The following ZDHHC2 variants were observed in gnomAD, a reference collection of about 807,000 sequenced individuals.
The protein encoded by ZDHHC2 is zDHHC palmitoyltransferase 2.
A neutral mutation model predicts 55.6 loss-of-function variants in ZDHHC2; 51 were observed. That is an observed-to-expected ratio of 0.92 (90% CI 0.73 to 1.16). ZDHHC2 has a LOEUF of 1.16. Among genes scored for constraint, ZDHHC2 ranks in the 50% most tolerant of loss-of-function variants. ZDHHC2 has a pLI of 0.00. For missense variants in ZDHHC2, 491 were observed against 442.4 expected (o/e 1.11, Z -0.99); for synonymous variants, 199 against 152.9 (o/e 1.30, Z -2.22).
chr8:17,188,517 C>T (rs1222563232), intron 3 of ZDHHC2, among the ~76,000 whole-genome samples: 1 of 152,138 alleles, frequency 6.6e-6, no homozygotes, highest in Non-Finnish European at 1.5e-5. Flanking sequence ...TATTTATTTT[C>T]CATTCATACT....
At chr8:17,165,321 A>G (rs374709659) in intron 1 of ZDHHC2, among the ~76,000 whole-genome samples, 13 of 152,350 alleles carry the variant, frequency 8.5e-5, no homozygotes, top group East Asian at 3.9e-4. Context: ...ATGACTAGTG[A>G]TTAGCCAGGG....
intron 6 of ZDHHC2, among the ~76,000 whole-genome samples, chr8:17,198,711 C>T (rs772554291): frequency 6.6e-6 from 1 of 152,142 alleles, no homozygotes; most frequent in Non-Finnish European, 1.5e-5. Context: ...GAATACTTCA[C>T]AGAAATACAC....
At chr8:17,156,938 CGCCCCCCGGAT>C in intron 1 of ZDHHC2, 85 bp downstream of exon 1, 1 of 1,298,150 alleles carries the variant, frequency 7.7e-7, no homozygotes, top group African/African-American at 1.6e-5. Context: ...CCTCCGCTCT[CGCCCCCCGGAT>C]GCGCCCCGGG....
chr8:17,196,864 T>C lies in ZDHHC2; in HGVS notation c.374-718T>C, dbSNP rs563294670. On this transcript the variant is annotated intron_variant, in intron 4 of 12. Transcript: ENST00000262096. ...AGGCAGAGGCTACAGTGAGCTGAGATGACACCAGTGCACTCCAGCCTAGGT... is the reference window on the plus strand; with the variant it reads ...AGGCAGAGGCTACAGTGAGCTGAGACGACACCAGTGCACTCCAGCCTAGGT... Among the ~76,000 whole-genome samples the C allele has an allele frequency of 1.4e-4, 21 of 151,680 alleles. 1 individual carries two copies. In the South Asian group the frequency reaches 4.2e-3, roughly 30 times the overall value.
chr8:17,178,299 T>A (rs1304369158), intron 1 of ZDHHC2, among the ~76,000 whole-genome samples: 9 of 152,188 alleles, frequency 5.9e-5, no homozygotes, highest in Non-Finnish European at 1.3e-4. Context: ...ACCGTTGAGA[T>A]GATCTCCTGC....
intron 9 of ZDHHC2, 98 bp downstream of exon 9, chr8:17,210,156 C>A: frequency 7.4e-7 from 1 of 1,352,734 alleles, no homozygotes; most frequent in Non-Finnish European, 9.9e-7. Context: ...GCTTGTAATT[C>A]TGTGTAGGAA....
At chr8:17,184,748 A>C in intron 1 of ZDHHC2, 41 bp from the exon 2 acceptor site, 5 of 1,532,044 alleles carry the variant, frequency 3.3e-6, no homozygotes, top group Non-Finnish European at 4.4e-6. Flanking sequence ...CCCGTTTGCC[A>C]TAAGCTTCAT....
At position 17,199,509 on chromosome 8, in the gene ZDHHC2, T is replaced by TTCTTCG. The variant is rs1554466017; in HGVS notation, c.476+1114_476+1119dup. ...CTTCTTCTTCTTCTTCTTCTTCTTC[T>TTCTTCG]TCTTCGTCTTCGTCTTCGTCTTCTG... On this transcript the variant is annotated intron_variant, in intron 6 of 12. Transcript: ENST00000262096. 6.2e-4 allele frequency among the ~76,000 whole-genome samples: 75 copies of TTCTTCG among 121,078 alleles called. 1 individual carries two copies. The highest frequency in any genetic ancestry group is 1.1e-3 in the South Asian group (4 of 3,540). The allele number at this position is 121,078 out of a possible 152,430, so 79.4% of individuals were successfully genotyped here.
At chr8:17,178,756 A>C (rs576701937) in intron 1 of ZDHHC2, among the ~76,000 whole-genome samples, 1 of 152,302 alleles carries the variant, frequency 6.6e-6, no homozygotes, top group Non-Finnish European at 1.5e-5. Flanking sequence ...GCAGTTTGTC[A>C]TCCTTTTCTA....
At position 17,176,338 on chromosome 8, in the gene ZDHHC2, T is replaced by C. The variant is rs190443611; in HGVS notation, c.131-8451T>C. ...CAAGTTTTGCACCATCGAAGACTTA[T>C]TGCTAACCTTTGCTTCTATTTTGAA... On this transcript the variant is annotated intron_variant, in intron 1 of 12. Coordinates refer to ENST00000262096, the MANE Select transcript of ZDHHC2 (RefSeq NM_016353.5). Among the ~76,000 whole-genome samples, 79 of 152,282 alleles carry C rather than the reference T, an allele frequency of 5.2e-4. 1 individual carries two copies. Among genetic ancestry groups the C allele is most frequent in the African/African-American group, 1.5e-3 (62 of 41,564 alleles).
At chr8:17,211,260 A>T (rs1394479126) in intron 10 of ZDHHC2, among the ~76,000 whole-genome samples, 1 of 152,204 alleles carries the variant, frequency 6.6e-6, no homozygotes, top group Non-Finnish European at 1.5e-5. Flanking sequence ...TTTCAATGAA[A>T]GCCAGTAGCA....
At chr8:17,167,912 C>G (rs979550901) in intron 1 of ZDHHC2, among the ~76,000 whole-genome samples, 2 of 152,012 alleles carry the variant, frequency 1.3e-5, no homozygotes, top group Non-Finnish European at 2.9e-5. Flanking sequence ...TAACTGTAGT[C>G]CGTTTTAGTA....
intron 3 of ZDHHC2, among the ~76,000 whole-genome samples, chr8:17,187,231 A>G (rs1805758092): frequency 6.6e-6 from 1 of 152,230 alleles, no homozygotes; most frequent in Non-Finnish European, 1.5e-5. Context: ...TGATGGATCA[A>G]ATTTGCATGT....
At chr8:17,176,966 A>G (rs1202128710) in intron 1 of ZDHHC2, among the ~76,000 whole-genome samples, 1 of 152,228 alleles carries the variant, frequency 6.6e-6, no homozygotes, top group Non-Finnish European at 1.5e-5. Context: ...TGTTAACGTG[A>G]ATAACATATT....
intron 8 of ZDHHC2, 94 bp from the exon 9 acceptor site, chr8:17,209,838 G>C: frequency 7.2e-7 from 1 of 1,393,630 alleles, no homozygotes; most frequent in Non-Finnish European, 9.5e-7. Flanking sequence ...TTGATTTTCA[G>C]AGTTTCTTCA....
At chr8:17,209,639 A>T (rs1329863945) in intron 8 of ZDHHC2, among the ~76,000 whole-genome samples, 1 of 152,260 alleles carries the variant, frequency 6.6e-6, no homozygotes, top group Non-Finnish European at 1.5e-5. Context: ...CAAAAGATCC[A>T]GAAGATGCAG....
At chr8:17,207,185 T>C (rs73198528) in intron 7 of ZDHHC2, among the ~76,000 whole-genome samples, 5,448 of 152,268 alleles carry the variant, frequency 0.036, 155 homozygotes, top group Non-Finnish European at 0.051. Context: ...CGACAGGGTA[T>C]TGGAATCTCA....
chr8:17,177,668 A>G (rs1805212055), intron 1 of ZDHHC2, among the ~76,000 whole-genome samples: 1 of 152,204 alleles, frequency 6.6e-6, no homozygotes, highest in Admixed American at 6.5e-5. Context: ...AATGAGTTAA[A>G]GATAAACAGA....
At chr8:17,218,967 T>C (rs889088807) in intron 12 of ZDHHC2, among the ~76,000 whole-genome samples, 1 of 152,040 alleles carries the variant, frequency 6.6e-6, no homozygotes, top group Admixed American at 6.6e-5. Context: ...TATCTTCATA[T>C]TGGCCGGGCG....
Sources: allele counts gnomAD v4.1 joint callset (sites outside exome capture counted in the v4.1 genomes callset), GRCh38; gene constraint gnomAD v4.1.1; transcripts MANE v1.5; gene names NCBI Gene and HGNC (gene_info 2026-07-23, HGNC 2026-07-21).